The following QTGAL variants were observed in gnomAD, a reference collection of about 807,000 sequenced individuals.
QTGAL encodes the protein queuosine-tRNA galactosyltransferase.
At chr17:82,951,977 G>A in the QTGAL span, among the ~76,000 whole-genome samples, 2 of 152,194 alleles carry the variant, frequency 1.3e-5, no homozygotes, top group Admixed American at 6.5e-5. Flanking sequence ...ATGGGGAGAC[G>A]TGGAGACGTG....
chr17:83,018,567 T>C, the QTGAL span, among the ~76,000 whole-genome samples: 1 of 152,218 alleles, frequency 6.6e-6, no homozygotes, highest in Non-Finnish European at 1.5e-5. Flanking sequence ...TATGTAATTC[T>C]TAATACCCAA....
the QTGAL span, among the ~76,000 whole-genome samples, chr17:82,984,028 G>C: frequency 8.9e-5 from 12 of 135,130 alleles, no homozygotes; most frequent in East Asian, 2.7e-3. Context: ...GGGGAGGGGA[G>C]AGGCCACGTG....
the QTGAL span, among the ~76,000 whole-genome samples, chr17:82,998,214 A>G: frequency 6.6e-6 from 1 of 152,244 alleles, no homozygotes; most frequent in African/African-American, 2.4e-5. Context: ...CTATATGCAA[A>G]TATCTCACAT....
At chr17:83,048,787 T>C in the QTGAL span, 1 of 1,609,424 alleles carries the variant, frequency 6.2e-7, no homozygotes. Flanking sequence ...GATAATAGAC[T>C]GGAATTCAAA....
At chr17:83,016,006 G>A in the QTGAL span, among the ~76,000 whole-genome samples, 2 of 152,142 alleles carry the variant, frequency 1.3e-5, no homozygotes, top group Non-Finnish European at 2.9e-5. Flanking sequence ...TCACTTTTTG[G>A]GGGGAAGTCG....
At chr17:82,956,560 G>A in the QTGAL span, 1 of 1,020,394 alleles carries the variant, frequency 9.8e-7, no homozygotes, top group South Asian at 1.7e-5. The surrounding 1 kb of genome is among the most constrained non-coding windows in gnomAD (Gnocchi z 5.7). Flanking sequence ...GGACGGCTGT[G>A]GCACCTGTCC....
At chr17:82,988,599 A>C in the QTGAL span, among the ~76,000 whole-genome samples, 2 of 152,242 alleles carry the variant, frequency 1.3e-5, no homozygotes, top group African/African-American at 4.8e-5. Context: ...AAATTTTTGC[A>C]ATCTGTCCAT....
the QTGAL span, chr17:82,944,724 G>A: frequency 6.6e-6 from 1 of 152,176 alleles, no homozygotes; most frequent in South Asian, 2.1e-4. Context: ...CACGTTCTAG[G>A]TGCTAACCAG....
At chr17:83,019,137 C>T in the QTGAL span, among the ~76,000 whole-genome samples, 2 of 152,122 alleles carry the variant, frequency 1.3e-5, no homozygotes, top group African/African-American at 4.8e-5. Context: ...GAGTCCACGT[C>T]CAGAAAGGGA....
chr17:83,011,986 C>T, the QTGAL span, among the ~76,000 whole-genome samples: 15 of 141,398 alleles, frequency 1.1e-4, no homozygotes, highest in East Asian at 1.2e-3. Context: ...ACACACGCCA[C>T]GAACTCCTCG....
the QTGAL span, among the ~76,000 whole-genome samples, chr17:83,031,844 G>A: frequency 6.6e-6 from 1 of 152,244 alleles, no homozygotes; most frequent in African/African-American, 2.4e-5. Flanking sequence ...GCACATACTG[G>A]ATCCAGAGTG....
At chr17:83,012,302 G>C in the QTGAL span, among the ~76,000 whole-genome samples, 1 of 151,868 alleles carries the variant, frequency 6.6e-6, no homozygotes, top group Non-Finnish European at 1.5e-5. Context: ...AAGTCTCCCA[G>C]CTCGTTTGAA....
chr17:83,047,259 T>C, the QTGAL span, among the ~76,000 whole-genome samples: 2 of 152,178 alleles, frequency 1.3e-5, no homozygotes, highest in East Asian at 1.9e-4. Flanking sequence ...CGGCCTCTTT[T>C]ATAAGGGCAC....
chr17:82,998,438 C>T, the QTGAL span, among the ~76,000 whole-genome samples: 7 of 152,172 alleles, frequency 4.6e-5, no homozygotes, highest in African/African-American at 1.4e-4. Context: ...CTCTGCCTCC[C>T]GGGTTCATGC....
the QTGAL span, among the ~76,000 whole-genome samples, chr17:83,016,572 T>C: frequency 1.5e-4 from 14 of 91,090 alleles, no homozygotes; most frequent in Non-Finnish European, 1.9e-4. Flanking sequence ...AACAGGAGGT[T>C]GGAGAGTGGA....
At chr17:82,957,469 G>A in the QTGAL span, 12 of 1,607,424 alleles carry the variant, frequency 7.5e-6, no homozygotes, top group South Asian at 1.1e-5. Flanking sequence ...TCCAGGAAGC[G>A]GACGCGGTGG....
chr17:82,970,567 CG>C, the QTGAL span, among the ~76,000 whole-genome samples: 3 of 131,612 alleles, frequency 2.3e-5, no homozygotes, highest in African/African-American at 7.2e-5. Flanking sequence ...CCGCGACCTC[CG>C]CACCCGGCGT....
the QTGAL span, among the ~76,000 whole-genome samples, chr17:83,028,766 C>T: frequency 6.6e-6 from 1 of 152,098 alleles, no homozygotes; most frequent in African/African-American, 2.4e-5. Flanking sequence ...CCAATTCCAC[C>T]CCTAGGTACT....
chr17:83,016,718 G>A, the QTGAL span, among the ~76,000 whole-genome samples: 1 of 146,916 alleles, frequency 6.8e-6, no homozygotes, highest in African/African-American at 2.5e-5. Context: ...GTGGAGGAGA[G>A]AGGAGAAGGG....
Sources: allele counts gnomAD v4.1 joint callset (sites outside exome capture counted in the v4.1 genomes callset), GRCh38; gene constraint gnomAD v4.1.1; non-coding constraint Gnocchi (gnomAD v3.1); transcripts MANE v1.5; gene names NCBI Gene and HGNC (gene_info 2026-07-23, HGNC 2026-07-21).